The following MAP3K3 variants were observed in gnomAD, a reference collection of about 807,000 sequenced individuals.
MAP3K3 encodes MAP/ERK kinase kinase 3.
A neutral mutation model predicts 80.9 loss-of-function variants in MAP3K3; 12 were observed. The observed-to-expected ratio is 0.15, with a 90% CI of 0.10 to 0.24. MAP3K3 has a LOEUF of 0.24. Among genes scored for constraint, MAP3K3 ranks in the 10% least tolerant of loss-of-function variants. MAP3K3 has a pLI of 1.00. For synonymous variants in MAP3K3, 272 were observed against 307.1 expected (o/e 0.89, Z 1.19); for missense variants, 596 against 834.7 (o/e 0.71, Z 3.52).
intron 2 of MAP3K3, among the ~76,000 whole-genome samples, chr17:63,643,454 TG>T (rs2034483786): frequency 6.6e-6 from 1 of 152,036 alleles, no homozygotes; most frequent in South Asian, 2.1e-4. Context: ...AAGGCTGCAG[TG>T]AGCCGTGATC....
At chr17:63,627,091 G>A (rs552877142) in intron 1 of MAP3K3, among the ~76,000 whole-genome samples, 1 of 152,202 alleles carries the variant, frequency 6.6e-6, no homozygotes, top group Non-Finnish European at 1.5e-5. Context: ...GTGGCTTCCT[G>A]CTGGAGCTAA....
At chr17:63,690,452 C>A in intron 12 of MAP3K3, 40 bp downstream of exon 12, 1 of 1,597,438 alleles carries the variant, frequency 6.3e-7, no homozygotes, top group Non-Finnish European at 8.5e-7. Context: ...TCCCTCCTTT[C>A]AACAAAAATG....
intron 6 of MAP3K3, among the ~76,000 whole-genome samples, chr17:63,676,457 G>C (rs1008328956): frequency 6.6e-6 from 1 of 152,210 alleles, no homozygotes; most frequent in Non-Finnish European, 1.5e-5. Context: ...GCATAGTTTG[G>C]ACCAGTGTCT....
At chr17:63,673,724 A>G (rs1484554873) in intron 6 of MAP3K3, among the ~76,000 whole-genome samples, 2 of 152,098 alleles carry the variant, frequency 1.3e-5, no homozygotes, top group Admixed American at 1.3e-4. Context: ...CAGCCTGTCC[A>G]ACATGGTGAA....
At chr17:63,627,686 C>T (rs1164987824) in intron 1 of MAP3K3, among the ~76,000 whole-genome samples, 1 of 152,092 alleles carries the variant, frequency 6.6e-6, no homozygotes, top group Non-Finnish European at 1.5e-5. Flanking sequence ...AGCTGATCCA[C>T]CCTCCTCGGC....
intron 4 of MAP3K3, among the ~76,000 whole-genome samples, 182 bp from the exon 5 acceptor site, chr17:63,657,612 G>T (rs565384291): frequency 8.9e-4 from 135 of 152,038 alleles, no homozygotes; most frequent in African/African-American, 2.9e-3. Context: ...TTTTTGGATT[G>T]TACATTTAGA....
chr17:63,681,484 T>A (rs762979122), intron 6 of MAP3K3, among the ~76,000 whole-genome samples: 1 of 152,356 alleles, frequency 6.6e-6, no homozygotes, highest in Non-Finnish European at 1.5e-5. Flanking sequence ...GCTAGTCTGA[T>A]TGCCAGCTAA....
chr17:63,687,319 C>T (rs1000847836), intron 8 of MAP3K3, among the ~76,000 whole-genome samples: 1 of 146,902 alleles, frequency 6.8e-6, no homozygotes, highest in Non-Finnish European at 1.5e-5. Flanking sequence ...GCCTGGCCAA[C>T]ATAGTGAAAC....
chr17:63,671,997 A>G (rs2035118650), intron 6 of MAP3K3, among the ~76,000 whole-genome samples: 1 of 151,752 alleles, frequency 6.6e-6, no homozygotes, highest in Non-Finnish European at 1.5e-5. Flanking sequence ...AAAAAAAAAA[A>G]TGAGGCCAGG....
intron 6 of MAP3K3, among the ~76,000 whole-genome samples, chr17:63,670,204 AAGAC>A (rs1205071016): frequency 2.0e-5 from 3 of 152,188 alleles, no homozygotes; most frequent in South Asian, 4.1e-4. Flanking sequence ...AATCCATGGA[AAGAC>A]AGACATTTAC....
chr17:63,647,406 A>C (rs1346192339), intron 3 of MAP3K3, among the ~76,000 whole-genome samples: 1 of 152,200 alleles, frequency 6.6e-6, no homozygotes, highest in Non-Finnish European at 1.5e-5. Flanking sequence ...CAGAGTTTTC[A>C]ATCAAAAGCA....
At position 63,688,580 on chromosome 17, in the gene MAP3K3, G is replaced by A. The variant is rs1272441798; in HGVS notation, c.764G>A (p.Arg255Lys). 1.2e-6 allele frequency: 2 copies of A among 1,614,140 alleles called. No homozygotes were observed. Among genetic ancestry groups the A allele is most frequent in the Admixed American group, 3.3e-5 (2 of 60,028 alleles). Residue 255 changes from arginine (R) to lysine (K), a missense_variant, in exon 9 of 16, where the codon AGA becomes AAA. This residue lies in a region of MAP3K3 where 364 missense variants were observed against 588.9 expected (regional missense o/e 0.62). Coordinates refer to ENST00000361733, the MANE Select transcript of MAP3K3 (RefSeq NM_002401.5). ...CGTGCCCAGAGCTTCCCTGACAACAGACAGGAATACTCAGGTGAGTTCCAC... is the reference window on the plus strand; with the variant it reads ...CGTGCCCAGAGCTTCCCTGACAACAAACAGGAATACTCAGGTGAGTTCCAC... ...MSRAQSFPDN[R>K]QEYSDRETQL...
At position 63,674,332 on chromosome 17, in the gene MAP3K3, A is replaced by C. The variant is rs866313551; in HGVS notation, c.502+7272A>C. Among the ~76,000 whole-genome samples the C allele has an allele frequency of 3.3e-5, 5 of 152,248 alleles. No individual in the cohort carries two copies. In the Middle Eastern group the frequency reaches 0.017, roughly 518 times the overall value. On this transcript the variant is annotated intron_variant, in intron 6 of 15. Transcript: ENST00000361733. Reference sequence around the variant, plus strand: ...GTAATCCCAGCACTTTGGGAGGCCAAGGTGGGTGGATTGCTTGAGCCCAGG... The same window carrying C: ...GTAATCCCAGCACTTTGGGAGGCCACGGTGGGTGGATTGCTTGAGCCCAGG...
chr17:63,638,131 T>C (rs1415252332), intron 2 of MAP3K3, among the ~76,000 whole-genome samples: 1 of 152,256 alleles, frequency 6.6e-6, no homozygotes, highest in African/African-American at 2.4e-5. Flanking sequence ...CCTGGCATTA[T>C]ATTTTGTAAG....
chr17:63,625,983 A>G (rs1354193308), intron 1 of MAP3K3, among the ~76,000 whole-genome samples: 1 of 152,140 alleles, frequency 6.6e-6, no homozygotes, highest in Non-Finnish European at 1.5e-5. Context: ...CGAGGTGGGA[A>G]GATCATCTGA....
Position 63,692,307 on chromosome 17 carries a change from C to T in MAP3K3, c.1540C>T (p.Leu514=). Reference sequence around the variant, plus strand: ...GGGGGACTTTGGGGCCAGCAAACGCCTGCAGACGATCTGTATGTCGGGGAC... The same window carrying T: ...GGGGGACTTTGGGGCCAGCAAACGCTTGCAGACGATCTGTATGTCGGGGAC... The part of the protein sequence containing the change: ...KLGDFGASKR[L]QTICMSGTGM... Residue 514 remains leucine, a synonymous_variant, in exon 15 of 16, where the codon CTG becomes TTG. Transcript: ENST00000361733. This position sits in a 1 kb window ranked among gnomAD's most constrained non-coding sequence, Gnocchi z 4.5. 2 of 1,614,028 alleles carry T rather than the reference C, an allele frequency of 1.2e-6. No homozygotes were observed. Among genetic ancestry groups the T allele is most frequent in the Non-Finnish European group, 1.7e-6 (2 of 1,180,032 alleles).
At chr17:63,639,068 G>T (rs138018425) in intron 2 of MAP3K3, among the ~76,000 whole-genome samples, 5 of 152,086 alleles carry the variant, frequency 3.3e-5, no homozygotes, top group Non-Finnish European at 1.5e-5. Flanking sequence ...TGTACCCCAG[G>T]AATCATGCAG....
chr17:63,637,909 C>T (rs1222761501), intron 2 of MAP3K3, among the ~76,000 whole-genome samples: 1 of 152,176 alleles, frequency 6.6e-6, no homozygotes, highest in African/African-American at 2.4e-5. Context: ...CTGCTTTCTT[C>T]ATGATAGGCA....
chr17:63,652,796 C>T (rs1011924661), intron 4 of MAP3K3, 140 bp downstream of exon 4: 10 of 618,076 alleles, frequency 1.6e-5, no homozygotes, highest in South Asian at 6.1e-5. Context: ...TTCTTAATTC[C>T]AACAACTGTG....
Sources: allele counts gnomAD v4.1 joint callset (sites outside exome capture counted in the v4.1 genomes callset), GRCh38; gene constraint gnomAD v4.1.1; regional missense constraint gnomAD v4.1.1; non-coding constraint Gnocchi (gnomAD v3.1); transcripts MANE v1.5; gene names NCBI Gene and HGNC (gene_info 2026-07-23, HGNC 2026-07-21).